The following ADAM18 variants were observed in gnomAD, a reference collection of about 807,000 sequenced individuals.
ADAM18 encodes disintegrin and metalloproteinase domain-containing protein 18.
A neutral mutation model predicts 94.4 loss-of-function variants in ADAM18; 117 were observed. That is an observed-to-expected ratio of 1.24 (90% CI 1.07 to 1.45). The LOEUF (loss-of-function observed/expected upper bound fraction) is 1.45. Among genes scored for constraint, ADAM18 ranks in the 40% most tolerant of loss-of-function variants. The probability of loss-of-function intolerance (pLI) is 0.00; values close to 1 mark genes in which losing one functional copy is unlikely to be tolerated. For missense variants in ADAM18, 936 were observed against 880.0 expected (o/e 1.06, Z -0.81); for synonymous variants, 327 against 291.6 (o/e 1.12, Z -1.24).
intron 18 of ADAM18, among the ~76,000 whole-genome samples, chr8:39,720,649 G>A (rs2129581755): frequency 6.6e-6 from 1 of 151,152 alleles, no homozygotes; most frequent in South Asian, 2.1e-4. Flanking sequence ...TGCCTCATGG[G>A]GTTTACATTT....
At chr8:39,675,001 C>G (rs978662308) in intron 14 of ADAM18, among the ~76,000 whole-genome samples, 1 of 152,202 alleles carries the variant, frequency 6.6e-6, no homozygotes, top group African/African-American at 2.4e-5. Context: ...CACTGTTAGT[C>G]TGATGGGCTT....
At chr8:39,623,449 G>A (rs919452325) in intron 6 of ADAM18, among the ~76,000 whole-genome samples, 1 of 151,710 alleles carries the variant, frequency 6.6e-6, no homozygotes, top group Non-Finnish European at 1.5e-5. Context: ...ATTCCCACCG[G>A]CAGTATGTAC....
At chr8:39,630,146 T>G in intron 7 of ADAM18, among the ~76,000 whole-genome samples, 1 of 151,984 alleles carries the variant, frequency 6.6e-6, no homozygotes, top group Middle Eastern at 3.2e-3. Flanking sequence ...GTTTATATTT[T>G]TTGTTTATTA....
intron 2 of ADAM18, among the ~76,000 whole-genome samples, chr8:39,596,144 G>T (rs1312496554): frequency 6.6e-6 from 1 of 152,128 alleles, no homozygotes; most frequent in Non-Finnish European, 1.5e-5. Flanking sequence ...CGGCCTCGCT[G>T]ACTATCAGAT....
rs539609443 is a variant in ADAM18 at position 39,699,393 on chromosome 8, GT to G, written c.1902+6720del. On this transcript the variant is annotated intron_variant, in intron 17 of 19. Transcript: ENST00000265707. ...TTTTTATTATTTAATTATATCATGT[GT>G]TTTTTTCCATTAATATCTTACTTGA... is the stretch of plus-strand genomic sequence containing the variant. Among the ~76,000 whole-genome samples the G allele has an allele frequency of 1.6e-3, 243 of 151,952 alleles. 1 individual carries two copies. The highest frequency in any genetic ancestry group is 6.9e-3 in the Middle Eastern group (2 of 290).
chr8:39,728,454 TAG>T (rs1009477464), intron 19 of ADAM18, among the ~76,000 whole-genome samples: 10 of 152,154 alleles, frequency 6.6e-5, no homozygotes, highest in African/African-American at 9.7e-5. Flanking sequence ...GTTCAAGTCA[TAG>T]AGAGTCAGAA....
intron 11 of ADAM18, among the ~76,000 whole-genome samples, chr8:39,646,083 C>T (rs1198695158): frequency 6.6e-6 from 1 of 152,050 alleles, no homozygotes; most frequent in Non-Finnish European, 1.5e-5. Flanking sequence ...TAAGGCATTT[C>T]TTTTTGCTCT....
chr8:39,667,467 A>G (rs2129580212), intron 13 of ADAM18, among the ~76,000 whole-genome samples: 1 of 151,538 alleles, frequency 6.6e-6, no homozygotes, highest in South Asian at 2.1e-4. Context: ...TGCACTGCTT[A>G]CTATGTATTG....
At chr8:39,620,890 G>A (rs912236672) in intron 6 of ADAM18, among the ~76,000 whole-genome samples, 4 of 151,704 alleles carry the variant, frequency 2.6e-5, no homozygotes, top group African/African-American at 4.8e-5. Context: ...GGGGTAGATA[G>A]TGAGAGAATA....
At chr8:39,628,037 A>G (rs1819822160) in intron 6 of ADAM18, among the ~76,000 whole-genome samples, 1 of 152,106 alleles carries the variant, frequency 6.6e-6, no homozygotes, top group Non-Finnish European at 1.5e-5. Flanking sequence ...CTAAAGATGA[A>G]TGTCAACACT....
chr8:39,663,598 C>CAAAAAAAAAAAAAAAAAA (rs10597769), intron 12 of ADAM18, among the ~76,000 whole-genome samples, 197 bp from the exon 13 acceptor site: 16 of 19,588 alleles, frequency 8.2e-4, no homozygotes, highest in African/African-American at 2.0e-3. Context: ...AATCCTGTCT[C>CAAAAAAAAAAAAAAAAAA]AAAAAAAAAA....
Position 39,585,312 on chromosome 8 carries a change from G to A in ADAM18, c.92G>A (p.Arg31Gln), listed in dbSNP as rs374874930. The A allele has an allele frequency of 8.7e-6, 14 of 1,613,342 alleles. No homozygotes were observed. Among genetic ancestry groups the A allele is most frequent in the Non-Finnish European group, 1.2e-5 (14 of 1,179,746 alleles). ...EGIFLHVTVP[R>Q]KIKSNDSEVS... ...ATATTTCTGCATGTCACAGTTCCACGGAAGATTAAGTCAAATGACAGTGAA... is the reference window on the plus strand; with the variant it reads ...ATATTTCTGCATGTCACAGTTCCACAGAAGATTAAGTCAAATGACAGTGAA... Residue 31 changes from arginine to glutamine, a missense_variant, in exon 2 of 20, where the codon CGG (arginine) becomes CAG (glutamine). By Grantham distance (43) the Arg-to-Gln change is conservative. Coordinates refer to ENST00000265707, the MANE Select transcript of ADAM18 (RefSeq NM_014237.3).
At chr8:39,611,299 T>A (rs1819264072) in intron 6 of ADAM18, 1 of 509,896 alleles carries the variant, frequency 2.0e-6, no homozygotes, top group Admixed American at 6.4e-5. Context: ...CTTTGTCTTA[T>A]GGCAGTGTGC....
At chr8:39,688,477 A>G (rs1274585792) in intron 16 of ADAM18, among the ~76,000 whole-genome samples, 1 of 152,180 alleles carries the variant, frequency 6.6e-6, no homozygotes, top group Non-Finnish European at 1.5e-5. Flanking sequence ...AAGTGAGAAC[A>G]TGCAGTATTT....
intron 13 of ADAM18, among the ~76,000 whole-genome samples, chr8:39,667,526 A>C (rs1415215978): frequency 6.6e-6 from 1 of 152,094 alleles, no homozygotes. Context: ...TAAGAACTCT[A>C]TGAGAATTTG....
intron 3 of ADAM18, among the ~76,000 whole-genome samples, chr8:39,607,730 T>C (rs1294532008): frequency 6.8e-6 from 1 of 147,604 alleles, no homozygotes; most frequent in Non-Finnish European, 1.5e-5. Context: ...TCTCTCTGTC[T>C]CTCCTTTCTC....
chr8:39,704,544 T>A (rs1822185286), intron 17 of ADAM18, among the ~76,000 whole-genome samples: 1 of 152,184 alleles, frequency 6.6e-6, no homozygotes, highest in Non-Finnish European at 1.5e-5. Context: ...TAATGTTTTA[T>A]CTTGCCATGA....
At position 39,677,533 on chromosome 8, in the gene ADAM18, G is replaced by C. The variant is rs151131718; in HGVS notation, c.1628G>C (p.Arg543Pro). 1 of 1,587,740 alleles carries C rather than the reference G, an allele frequency of 6.3e-7. No homozygotes were observed. Among genetic ancestry groups the C allele is most frequent in the South Asian group, 1.2e-5 (1 of 86,672 alleles). The change falls in exon 15 of 20, where the codon CGG becomes CCG. Residue 543 changes from arginine (R) to proline (P), a missense_variant. Arg to Pro is a moderately radical substitution (Grantham distance 103). Coordinates refer to ENST00000265707, the MANE Select transcript of ADAM18 (RefSeq NM_014237.3). The part of the protein sequence containing the change: ...FKNSQPLPCE[R>P]KDVLCGKLAC... ...AATTCACAACCATTACCTTGTGAAC[G>C]GAAGTACGTATGTAGAAAATGATTG...
chr8:39,713,488 T>A (rs1822477795), intron 18 of ADAM18, among the ~76,000 whole-genome samples: 1 of 152,024 alleles, frequency 6.6e-6, no homozygotes, highest in South Asian at 2.1e-4. Flanking sequence ...GAAACTACCA[T>A]CCAGGTGAAC....
Sources: gnomAD v4.1 joint callset for allele counts (sites outside exome capture counted in the v4.1 genomes callset) on GRCh38, gnomAD v4.1.1 for gene constraint, MANE v1.5 for transcripts, NCBI Gene and HGNC (gene_info 2026-07-23, HGNC 2026-07-21) for gene names.